Variants in ATP2C2 observed in about 807,000 individuals in gnomAD.
The protein encoded by ATP2C2 is ATPase secretory pathway Ca2+ transporting 2, also known as calcium-transporting ATPase type 2C member 2.
Under a neutral mutation model 110.8 loss-of-function variants are expected in ATP2C2, and 171 were observed. The ratio of observed to expected loss-of-function variants is 1.54; its 90% confidence interval spans 1.36 to 1.75. ATP2C2 has a LOEUF of 1.75. Ranked by LOEUF, ATP2C2 falls within the 40% of genes most tolerant of loss-of-function variation. ATP2C2 has a pLI of 0.00. For synonymous variants in ATP2C2, 804 were observed against 508.4 expected, an observed-to-expected ratio of 1.58 and a Z score of -7.82; for missense variants, 1,963 against 1,235.0, an observed-to-expected ratio of 1.59 and a Z score of -8.84.
chr16:84,411,046 A>T, intron 6 of ATP2C2: 1 of 509,150 alleles, frequency 2.0e-6, no homozygotes. Flanking sequence ...GGAAGAGGGT[A>T]GCCCACAAAG....
chr16:84,424,576 C>CTTTTTTTTTTTTTTTGTTT (rs1907635569), intron 10 of ATP2C2, among the ~76,000 whole-genome samples: 1 of 114,870 alleles, frequency 8.7e-6, no homozygotes, highest in Admixed American at 8.8e-5. Flanking sequence ...CCGCACTGGG[C>CTTTTTTTTTTTTTTTGTTT]TTTTTTTTTT....
chr16:84,426,928 C>T (rs1424586015), intron 11 of ATP2C2, among the ~76,000 whole-genome samples: 1 of 152,176 alleles, frequency 6.6e-6, no homozygotes. Context: ...GAGGCACGGG[C>T]AGCCCAGCAT....
intron 3 of ATP2C2, among the ~76,000 whole-genome samples, chr16:84,405,534 C>T (rs553418104): frequency 1.3e-5 from 2 of 152,316 alleles, no homozygotes; most frequent in East Asian, 3.9e-4. Context: ...CCTAATCCCG[C>T]CTTTGCACAT....
At chr16:84,442,142 G>C (rs1177751042) in intron 14 of ATP2C2, among the ~76,000 whole-genome samples, 1 of 152,046 alleles carries the variant, frequency 6.6e-6, no homozygotes, top group Non-Finnish European at 1.5e-5. Flanking sequence ...CCCCGTTAAA[G>C]TGCACAATTC....
At chr16:84,461,664 G>C in intron 24 of ATP2C2, 50 bp from the exon 25 acceptor site, 1 of 1,530,148 alleles carries the variant, frequency 6.5e-7, no homozygotes, top group Non-Finnish European at 9.1e-7. Flanking sequence ...GGTTCAGGAT[G>C]GAGGTTGTCT....
At position 84,446,494 on chromosome 16, in the gene ATP2C2, C is replaced by G. The variant is rs866338711; in HGVS notation, c.1503+64C>G. The G allele has an allele frequency of 7.0e-5, 82 of 1,166,212 alleles. No individual in the cohort carries two copies. The Middle Eastern group carries it at 3.4e-3, about 48-fold the overall frequency. The allele number at this position is 1,166,212 out of a possible 1,614,324, so 72.2% of individuals were successfully genotyped here. A position where few individuals can be genotyped will look rare whatever the true frequency, so the allele number is the denominator to read the frequency against. On this transcript the variant is annotated intron_variant, in intron 16 of 26. Coordinates refer to ENST00000262429, the MANE Select transcript of ATP2C2 (RefSeq NM_014861.4). The stretch of plus-strand genomic sequence containing the variant: ...CCCGGGCCCCCACCCAGAGATAAAG[C>G]AAAATGCAGACTTCAAGGATAATTT...
intron 1 of ATP2C2, among the ~76,000 whole-genome samples, chr16:84,397,934 A>G (rs906726618): frequency 3.3e-5 from 5 of 151,832 alleles, no homozygotes; most frequent in African/African-American, 9.7e-5. Flanking sequence ...ACCCTGGCCA[A>G]CCTAATCTAT....
At chr16:84,382,508 G>A (rs1004958476) in intron 1 of ATP2C2, among the ~76,000 whole-genome samples, 1 of 152,186 alleles carries the variant, frequency 6.6e-6, no homozygotes, top group African/African-American at 2.4e-5. Flanking sequence ...CAGTCCTGGG[G>A]CAGGATGGGC....
At chr16:84,453,645 C>T (rs1910526178) in intron 20 of ATP2C2, among the ~76,000 whole-genome samples, 1 of 152,182 alleles carries the variant, frequency 6.6e-6, no homozygotes, top group African/African-American at 2.4e-5. Flanking sequence ...AGAACACAGT[C>T]ACGGGCCCAG....
intron 11 of ATP2C2, among the ~76,000 whole-genome samples, chr16:84,429,053 G>C (rs67991671): frequency 3.9e-5 from 6 of 152,076 alleles, no homozygotes; most frequent in Non-Finnish European, 7.4e-5. Context: ...ACCCAAGGGG[G>C]TCTATTGAAT....
intron 6 of ATP2C2, among the ~76,000 whole-genome samples, chr16:84,411,261 A>G (rs542018741): frequency 4.5e-4 from 69 of 151,922 alleles, no homozygotes; most frequent in Non-Finnish European, 8.5e-4. Context: ...TTTCCTGCCC[A>G]CAGTTTTCCA....
Position 84,448,554 on chromosome 16 carries a change from A to T in ATP2C2, c.1525A>T (p.Met509Leu), listed in dbSNP as rs775770426. The change falls in exon 17 of 27, where the codon ATG (methionine) becomes TTG (leucine). Residue 509 changes from methionine (M) to leucine (L), a missense_variant. Physicochemically the swap from Met to Leu is conservative, Grantham distance 15. Coordinates refer to ENST00000262429, the MANE Select transcript of ATP2C2 (RefSeq NM_014861.4). ...TAAGGATCAGGAAGACATTTACTTCATGAAAGGGGCCTTGGAAGAGGTGAT... is the reference window on the plus strand; with the variant it reads ...TAAGGATCAGGAAGACATTTACTTCTTGAAAGGGGCCTTGGAAGAGGTGAT... ...KTEDQEDIYF[M>L]KGALEEVIRY... 13 of 1,612,580 alleles carry T rather than the reference A, an allele frequency of 8.1e-6. No individual in the cohort carries two copies. Among genetic ancestry groups the T allele is most frequent in the Non-Finnish European group, 9.3e-6 (11 of 1,179,078 alleles).
intron 11 of ATP2C2, among the ~76,000 whole-genome samples, chr16:84,436,673 C>A (rs1908763736): frequency 6.6e-6 from 1 of 152,110 alleles, no homozygotes; most frequent in South Asian, 2.1e-4. Flanking sequence ...CTCAGCCTGG[C>A]CTCGGGTGGA....
chr16:84,446,718 C>G (rs990401005), intron 16 of ATP2C2, among the ~76,000 whole-genome samples: 2 of 152,144 alleles, frequency 1.3e-5, no homozygotes, highest in Admixed American at 1.3e-4. Flanking sequence ...TGCCAGACCT[C>G]CTGAGTCGAA....
chr16:84,452,162 A>C (rs1910346517), intron 18 of ATP2C2, 71 bp downstream of exon 18: 3 of 1,578,986 alleles, frequency 1.9e-6, no homozygotes, highest in Non-Finnish European at 2.6e-6. Context: ...GCTGCTACCA[A>C]AGGGAAGCCT....
chr16:84,393,991 A>C (rs1430505885), intron 1 of ATP2C2, among the ~76,000 whole-genome samples: 1 of 149,388 alleles, frequency 6.7e-6, no homozygotes. Flanking sequence ...CCTTGTCTCA[A>C]TTAAAAATAC....
intron 1 of ATP2C2, among the ~76,000 whole-genome samples, chr16:84,380,625 G>C (rs1042663979): frequency 1.3e-5 from 2 of 152,154 alleles, no homozygotes; most frequent in African/African-American, 4.8e-5. Flanking sequence ...CAGGATTGTG[G>C]TTAAGAGCAC....
At chr16:84,382,175 C>T (rs970900312) in intron 1 of ATP2C2, among the ~76,000 whole-genome samples, 4 of 152,144 alleles carry the variant, frequency 2.6e-5, no homozygotes, top group Admixed American at 1.3e-4. Context: ...GTGATGTTCC[C>T]GTCCCTGTGT....
intron 11 of ATP2C2, among the ~76,000 whole-genome samples, chr16:84,427,447 G>C (rs1351485463): frequency 6.6e-6 from 1 of 152,126 alleles, no homozygotes; most frequent in Non-Finnish European, 1.5e-5. Flanking sequence ...GCCAGGCGCG[G>C]TGGCTCATAC....
Sources: gnomAD v4.1 joint callset for allele counts (sites outside exome capture counted in the v4.1 genomes callset) on GRCh38, gnomAD v4.1.1 for gene constraint, MANE v1.5 for transcripts, NCBI Gene and HGNC (gene_info 2026-07-23, HGNC 2026-07-21) for gene names.